SLC44A5: variants seen among roughly 807,000 people sequenced by gnomAD.
The protein encoded by SLC44A5 is choline transporter-like protein 5.
Under a neutral mutation model 101.8 loss-of-function variants are expected in SLC44A5, and 57 were observed. That is an observed-to-expected ratio of 0.56 (90% CI 0.45 to 0.70). SLC44A5 has a LOEUF of 0.70. Ranked by LOEUF, SLC44A5 falls within the 30% of genes least tolerant of loss-of-function variation. The pLI, the probability that SLC44A5 is intolerant of heterozygous loss-of-function variation, is 0.00. For synonymous variants in SLC44A5, 281 were observed against 290.9 expected, an observed-to-expected ratio of 0.97 and a Z score of 0.35; for missense variants, 737 against 853.1, an observed-to-expected ratio of 0.86 and a Z score of 1.70.
chr1:75,413,734 T>C (rs1010989366), intron 2 of SLC44A5, among the ~76,000 whole-genome samples: 3 of 152,222 alleles, frequency 2.0e-5, no homozygotes, highest in South Asian at 2.1e-4. Context: ...AATTTCACTC[T>C]AGCCAAGTCT....
chr1:75,360,134 G>GT (rs1659383633), intron 3 of SLC44A5, among the ~76,000 whole-genome samples: 1 of 152,092 alleles, frequency 6.6e-6, no homozygotes, highest in Admixed American at 6.5e-5. Context: ...TTTTCACTTT[G>GT]TTAATTACTT....
intron 16 of SLC44A5, 103 bp downstream of exon 16, chr1:75,219,154 G>T: frequency 1.2e-6 from 1 of 814,390 alleles, no homozygotes; most frequent in Non-Finnish European, 2.1e-6. Context: ...CCCCATCAGT[G>T]TATAGGATCT....
At chr1:75,274,521 C>A (rs1031644680) in intron 6 of SLC44A5, among the ~76,000 whole-genome samples, 8 of 152,098 alleles carry the variant, frequency 5.3e-5, no homozygotes, top group Admixed American at 1.3e-4. Flanking sequence ...CATTGAAGAC[C>A]TTCTGGGTGT....
chr1:75,690,348 C>T, the SLC44A5 span, among the ~76,000 whole-genome samples: 1 of 152,052 alleles, frequency 6.6e-6, no homozygotes, highest in Non-Finnish European at 1.5e-5. Context: ...ACAAGAACAG[C>T]ATGGGAGAAA....
the SLC44A5 span, among the ~76,000 whole-genome samples, chr1:75,645,113 A>G: frequency 5.9e-5 from 9 of 152,288 alleles, no homozygotes; most frequent in Non-Finnish European, 1.3e-4. Context: ...TTATAGCATC[A>G]TGATTTATAA....
intron 3 of SLC44A5, among the ~76,000 whole-genome samples, chr1:75,396,014 C>G (rs1277361776): frequency 6.6e-6 from 1 of 152,078 alleles, no homozygotes; most frequent in Non-Finnish European, 1.5e-5. Context: ...CATGAATCAC[C>G]TGAGAATCTT....
chr1:75,571,000 C>T (rs1419788866), intron 1 of SLC44A5, among the ~76,000 whole-genome samples: 4 of 152,124 alleles, frequency 2.6e-5, no homozygotes, highest in Non-Finnish European at 5.9e-5. Context: ...TCCAGATGGA[C>T]AGCCCACCCA....
At chr1:75,518,396 C>T (rs1052438117) in intron 2 of SLC44A5, among the ~76,000 whole-genome samples, 3 of 151,952 alleles carry the variant, frequency 2.0e-5, no homozygotes, top group East Asian at 3.9e-4. Context: ...TTGTATACTA[C>T]GAGCAGTCTG....
At chr1:75,582,817 C>A (rs1307646091) in intron 1 of SLC44A5, among the ~76,000 whole-genome samples, 1 of 152,142 alleles carries the variant, frequency 6.6e-6, no homozygotes, top group East Asian at 1.9e-4. Context: ...AAACAGAATC[C>A]TCTCCCATCA....
At chr1:75,330,344 T>C (rs1014229296) in intron 4 of SLC44A5, among the ~76,000 whole-genome samples, 3 of 151,846 alleles carry the variant, frequency 2.0e-5, no homozygotes, top group African/African-American at 7.3e-5. Context: ...CCATCACCAC[T>C]GCCACCACCC....
At chr1:75,547,635 C>G (rs1359192505) in intron 1 of SLC44A5, among the ~76,000 whole-genome samples, 1 of 152,162 alleles carries the variant, frequency 6.6e-6, no homozygotes, top group Non-Finnish European at 1.5e-5. Flanking sequence ...ACAATAACAT[C>G]TACTTATCAT....
chr1:75,702,170 T>C, the SLC44A5 span, among the ~76,000 whole-genome samples: 1 of 152,132 alleles, frequency 6.6e-6, no homozygotes, highest in Non-Finnish European at 1.5e-5. Context: ...TTAAAGTTCA[T>C]ATGGAACCAA....
chr1:75,604,410 C>A (rs551816059), intron 1 of SLC44A5, among the ~76,000 whole-genome samples: 1 of 152,256 alleles, frequency 6.6e-6, no homozygotes, highest in African/African-American at 2.4e-5. Context: ...GTTTTGCTTA[C>A]TGTAGCCTTA....
chr1:75,607,670 C>T (rs1321780664), intron 1 of SLC44A5, among the ~76,000 whole-genome samples: 2 of 151,894 alleles, frequency 1.3e-5, no homozygotes, highest in Non-Finnish European at 2.9e-5. Context: ...TGGGTCTTTG[C>T]CATGCTGTTT....
intron 3 of SLC44A5, among the ~76,000 whole-genome samples, chr1:75,343,028 C>T (rs1658000292): frequency 6.6e-6 from 1 of 152,056 alleles, no homozygotes; most frequent in Admixed American, 6.6e-5. Context: ...TATAGGGGCC[C>T]TCACGTACTC....
At chr1:75,320,755 A>T (rs1189253507) in intron 4 of SLC44A5, among the ~76,000 whole-genome samples, 2 of 152,164 alleles carry the variant, frequency 1.3e-5, no homozygotes, top group East Asian at 3.9e-4. Context: ...GACCTAAATC[A>T]TAGTTTTGGT....
chr1:75,584,577 GT>G (rs1200371909), intron 1 of SLC44A5, among the ~76,000 whole-genome samples: 3 of 151,880 alleles, frequency 2.0e-5, no homozygotes, highest in Admixed American at 6.6e-5. Flanking sequence ...TTTTGTGGGG[GT>G]TTTTTTGGGA....
chr1:75,594,213 G>A (rs187201304), intron 1 of SLC44A5, among the ~76,000 whole-genome samples: 2 of 151,856 alleles, frequency 1.3e-5, no homozygotes, highest in East Asian at 3.9e-4. Flanking sequence ...ATTATACTGA[G>A]CCCAAGTCAC....
intron 4 of SLC44A5, among the ~76,000 whole-genome samples, chr1:75,313,044 A>G (rs934092306): frequency 1.3e-5 from 2 of 152,204 alleles, no homozygotes; most frequent in Non-Finnish European, 2.9e-5. Context: ...ATTTATCTTG[A>G]CCAGGATGCA....
Sources: gnomAD v4.1 joint callset for allele counts (sites outside exome capture counted in the v4.1 genomes callset) on GRCh38, gnomAD v4.1.1 for gene constraint, MANE v1.5 for transcripts, NCBI Gene and HGNC (gene_info 2026-07-23, HGNC 2026-07-21) for gene names.